The following RAD51B variants were observed in gnomAD, a reference collection of about 807,000 sequenced individuals.
The protein encoded by RAD51B is DNA repair protein RAD51 homolog 2.
A neutral mutation model predicts 42.2 loss-of-function variants in RAD51B; 38 were observed. That is an observed-to-expected ratio of 0.90 (90% CI 0.70 to 1.18). The LOEUF is 1.18. Ranked by LOEUF, RAD51B falls within the 50% of genes most tolerant of loss-of-function variation. The probability of loss-of-function intolerance (pLI) is 0.00; values close to 1 mark genes in which losing one functional copy is unlikely to be tolerated. For synonymous variants in RAD51B, 154 were observed against 145.2 expected, an observed-to-expected ratio of 1.06 and a Z score of -0.43; for missense variants, 373 against 400.7, an observed-to-expected ratio of 0.93 and a Z score of 0.59.
intron 4 of RAD51B, among the ~76,000 whole-genome samples, chr14:67,838,259 A>G (rs2041312122): frequency 6.6e-6 from 1 of 152,188 alleles, no homozygotes; most frequent in African/African-American, 2.4e-5. Context: ...ATGGGAGCGT[A>G]GATTGACATA....
chr14:68,339,120 C>T (rs555799958), intron 8 of RAD51B: 11 of 698,818 alleles, frequency 1.6e-5, no homozygotes, highest in Admixed American at 1.2e-4. Flanking sequence ...AACTCCTGCT[C>T]GAAGGACAGG....
intron 7 of RAD51B, among the ~76,000 whole-genome samples, chr14:67,949,210 C>T (rs28816808): frequency 0.06 from 9,085 of 152,182 alleles, 636 homozygotes; most frequent in African/African-American, 0.17. Context: ...TTCTCTGTAG[C>T]ATATCATGCT....
rs114779751 is a variant in RAD51B, at chr14:68,145,713, T to G, written c.757-146171T>G. On this transcript the variant is annotated intron_variant, in intron 7 of 10. Coordinates refer to ENST00000471583, the MANE Select transcript of RAD51B (RefSeq NM_133510.4). The stretch of plus-strand genomic sequence containing the variant: ...AAAGTTATTTATATCTTGATTGTGA[T>G]TCATACATTTCCCTTTTCTTTATGG... Among the ~76,000 whole-genome samples, 895 of 152,346 alleles carry G rather than the reference T, an allele frequency of 5.9e-3. 7 individuals are homozygous for G. Among genetic ancestry groups the G allele is most frequent in the African/African-American group, 0.021 (854 of 41,580 alleles).
At chr14:68,044,944 A>G (rs973654729) in intron 7 of RAD51B, among the ~76,000 whole-genome samples, 1 of 152,148 alleles carries the variant, frequency 6.6e-6, no homozygotes, top group Non-Finnish European at 1.5e-5. Context: ...ACGTTTTAGA[A>G]AATTGAAATG....
At chr14:68,458,764 T>C (rs992068909) in intron 9 of RAD51B, among the ~76,000 whole-genome samples, 48 of 152,014 alleles carry the variant, frequency 3.2e-4, no homozygotes, top group African/African-American at 1.1e-3. Context: ...CTAATTTCTG[T>C]AGAAAAACTT....
At chr14:68,184,893 A>C (rs1054589513) in intron 7 of RAD51B, among the ~76,000 whole-genome samples, 14 of 152,228 alleles carry the variant, frequency 9.2e-5, no homozygotes, top group African/African-American at 3.1e-4. Context: ...GAAAGTGTTC[A>C]TGAGTTTTAG....
At chr14:67,957,537 G>T (rs1018987560) in intron 7 of RAD51B, among the ~76,000 whole-genome samples, 1 of 152,102 alleles carries the variant, frequency 6.6e-6, no homozygotes, top group African/African-American at 2.4e-5. Flanking sequence ...GAAAAAGAAG[G>T]ACCAAAGAAA....
intron 8 of RAD51B, among the ~76,000 whole-genome samples, chr14:68,402,291 C>G (rs542514671): frequency 6.6e-6 from 1 of 152,286 alleles, no homozygotes; most frequent in African/African-American, 2.4e-5. Context: ...TAAAATTCTG[C>G]ATTGAATGGA....
chr14:68,550,246 G>A (rs542870010), intron 10 of RAD51B, among the ~76,000 whole-genome samples: 107 of 152,316 alleles, frequency 7.0e-4, no homozygotes, highest in African/African-American at 2.5e-3. Flanking sequence ...ACTTTTCAAA[G>A]CAAAGGATTC....
intron 11 of RAD51B, among the ~76,000 whole-genome samples, chr14:68,658,453 AG>A (rs1209536534): frequency 3.9e-5 from 6 of 152,260 alleles, no homozygotes; most frequent in African/African-American, 1.4e-4. Flanking sequence ...GGCAAGTGCC[AG>A]GGCAGCCAAG....
chr14:67,907,174 A>G (rs1809597450), intron 7 of RAD51B, among the ~76,000 whole-genome samples: 1 of 151,740 alleles, frequency 6.6e-6, no homozygotes, highest in African/African-American at 2.4e-5. Context: ...ATTTTTTTCA[A>G]AGGGCCAGCT....
Position 67,910,405 on chromosome 14 carries a change from CAAAAAAAAAAAAAAAA to C in RAD51B, c.756+23223_756+23238del, listed in dbSNP as rs576632132. On this transcript the variant is annotated intron_variant, in intron 7 of 10. Coordinates refer to ENST00000471583, the MANE Select transcript of RAD51B (RefSeq NM_133510.4). ...TGGGCGACAGAGCGAGACTCTGTCT[CAAAAAAAAAAAAAAAA>C]AAAAAAAAAAAAAAAAAAAAATATT... Among the ~76,000 whole-genome samples the C allele has an allele frequency of 5.8e-3, 52 of 9,040 alleles. 1 individual carries two copies. In the South Asian group the frequency reaches 0.11, roughly 19 times the overall value. The allele number at this position is 9,040 out of a possible 152,430, so 5.9% of individuals were successfully genotyped here.
At chr14:68,325,402 G>A (rs2082229458) in intron 8 of RAD51B, among the ~76,000 whole-genome samples, 1 of 152,144 alleles carries the variant, frequency 6.6e-6, no homozygotes, top group Non-Finnish European at 1.5e-5. Context: ...AGTCTGAACT[G>A]GAATGAACTT....
intron 7 of RAD51B, among the ~76,000 whole-genome samples, chr14:68,159,396 C>T (rs1040950197): frequency 5.3e-5 from 8 of 151,720 alleles, no homozygotes; most frequent in South Asian, 4.2e-4. Context: ...CTGCGGTGGG[C>T]GGATCATGAG....
At chr14:67,912,743 T>C (rs2044025869) in intron 7 of RAD51B, among the ~76,000 whole-genome samples, 1 of 151,892 alleles carries the variant, frequency 6.6e-6, no homozygotes, top group Non-Finnish European at 1.5e-5. Context: ...TCTCACTCTG[T>C]TGCCCAGGCT....
chr14:68,369,425 G>A (rs1293624557), intron 8 of RAD51B, among the ~76,000 whole-genome samples: 1 of 152,198 alleles, frequency 6.6e-6, no homozygotes, highest in Non-Finnish European at 1.5e-5. Flanking sequence ...CACTCAGGAA[G>A]TAGTATTGGT....
At chr14:68,470,472 CT>C (rs1174644689) in intron 10 of RAD51B, 1 of 481,076 alleles carries the variant, frequency 2.1e-6, no homozygotes, top group Non-Finnish European at 4.1e-6. Context: ...TGGATTTTAC[CT>C]TCAGCTTTGG....
At chr14:68,669,722 ACCAAGTGGGG>A (rs1159891784) in intron 11 of RAD51B, among the ~76,000 whole-genome samples, 1 of 151,986 alleles carries the variant, frequency 6.6e-6, no homozygotes, top group Non-Finnish European at 1.5e-5. Flanking sequence ...GGGATTTGTA[ACCAAGTGGGG>A]CCCAGTAAGA....
At chr14:68,365,758 G>A (rs2083129575) in intron 8 of RAD51B, among the ~76,000 whole-genome samples, 2 of 152,076 alleles carry the variant, frequency 1.3e-5, no homozygotes, top group Non-Finnish European at 2.9e-5. Flanking sequence ...TTTTTAACCT[G>A]TCTTTTCTTT....
Sources: gnomAD v4.1 joint callset for allele counts (sites outside exome capture counted in the v4.1 genomes callset) on GRCh38, gnomAD v4.1.1 for gene constraint, MANE v1.5 for transcripts, NCBI Gene and HGNC (gene_info 2026-07-23, HGNC 2026-07-21) for gene names.